RERE: variants seen among roughly 807,000 people sequenced by gnomAD.
RERE encodes the protein arginine-glutamic acid dipeptide repeats.
A neutral mutation model predicts 146.1 loss-of-function variants in RERE; 40 were observed. The ratio of observed to expected loss-of-function variants is 0.27; its 90% CI spans 0.21 to 0.36. The LOEUF (loss-of-function observed/expected upper bound fraction) is 0.36, where lower values mean the gene tolerates loss of function less well. Ranked by LOEUF, RERE falls within the 10% of genes least tolerant of loss-of-function variation. RERE has a pLI of 1.00. For missense variants in RERE, 1,933 were observed against 2,138.7 expected (o/e 0.90, Z 1.90); for synonymous variants, 1,003 against 866.0 (o/e 1.16, Z -2.78).
intron 1 of RERE, among the ~76,000 whole-genome samples, chr1:8,733,455 G>A (rs1557510662): frequency 6.6e-6 from 1 of 152,152 alleles, no homozygotes; most frequent in Non-Finnish European, 1.5e-5. Flanking sequence ...TGTCTTCCAA[G>A]GCTACGTCAT....
intron 1 of RERE, among the ~76,000 whole-genome samples, chr1:8,816,469 TTTTCC>T (rs1349381133): frequency 3.9e-5 from 6 of 152,330 alleles, no homozygotes. Flanking sequence ...AATCATTCTG[TTTTCC>T]TTTCAACAAC....
chr1:8,761,983 T>A (rs575589277), intron 1 of RERE, among the ~76,000 whole-genome samples: 88 of 152,260 alleles, frequency 5.8e-4, no homozygotes, highest in African/African-American at 2.0e-3. Context: ...CAGTCTTCAC[T>A]CTCTTCCTTT....
At chr1:8,781,172 A>G (rs1274802786) in intron 1 of RERE, among the ~76,000 whole-genome samples, 1 of 152,108 alleles carries the variant, frequency 6.6e-6, no homozygotes. Flanking sequence ...TCTGGCCAAC[A>G]TGGTGAAACC....
intron 1 of RERE, among the ~76,000 whole-genome samples, chr1:8,776,778 G>A (rs944332475): frequency 1.3e-5 from 2 of 152,108 alleles, no homozygotes; most frequent in Non-Finnish European, 2.9e-5. Flanking sequence ...GAGTGCAGTG[G>A]CACCATCACG....
chr1:8,601,720 C>G (rs1646631340), intron 4 of RERE, among the ~76,000 whole-genome samples: 1 of 133,174 alleles, frequency 7.5e-6, no homozygotes, highest in Non-Finnish European at 1.6e-5. Context: ...TCCCAACTGC[C>G]ATCATGTCCA....
chr1:8,785,956 T>A (rs1641252439), intron 1 of RERE, among the ~76,000 whole-genome samples: 1 of 151,976 alleles, frequency 6.6e-6, no homozygotes, highest in Non-Finnish European at 1.5e-5. Context: ...CTGGTAAGAC[T>A]TTCACATCTC....
chr1:8,801,339 G>A (rs181763813), intron 1 of RERE, among the ~76,000 whole-genome samples: 11 of 151,876 alleles, frequency 7.2e-5, no homozygotes, highest in South Asian at 2.1e-4. Context: ...GCACAGTCTC[G>A]GATCACCGGA....
Position 8,817,461 on chromosome 1 carries a change from A to AT in RERE, c.-447dup, listed in dbSNP as rs56059603. The stretch of plus-strand genomic sequence containing the variant: ...AGGGGGCTCCCTGAGGATGATGGTG[A>AT]TTTTTTTTTTTTTTTAATCCTCAAC... On this transcript the variant is annotated 5_prime_UTR_variant, in exon 1 of 23. Coordinates refer to ENST00000400908, the MANE Select transcript of RERE (RefSeq NM_001042681.2). 0.31 allele frequency: 44,399 copies of AT among 142,354 alleles called. 6,904 individuals carry two copies. The highest frequency in any genetic ancestry group is 0.37 in the Middle Eastern group (99 of 270). 8.8% of individuals were successfully genotyped at this position (142,354 alleles called of 1,614,324 possible). A position where few individuals can be genotyped will look rare whatever the true frequency, so the allele number is the denominator to read the frequency against.
intron 12 of RERE, among the ~76,000 whole-genome samples, chr1:8,400,831 C>A (rs1287697116): frequency 1.2e-5 from 1 of 85,754 alleles, no homozygotes; most frequent in African/African-American, 5.1e-5. Context: ...TGGTGAAACA[C>A]CATCTCAAAA....
At chr1:8,445,533 T>C (rs996986480) in intron 11 of RERE, among the ~76,000 whole-genome samples, 2 of 152,166 alleles carry the variant, frequency 1.3e-5, no homozygotes, top group Non-Finnish European at 2.9e-5. Context: ...CATCTACACA[T>C]GTAGATGGGC....
At chr1:8,362,238 C>A (rs1641607609) in intron 16 of RERE, among the ~76,000 whole-genome samples, 1 of 152,180 alleles carries the variant, frequency 6.6e-6, no homozygotes, top group African/African-American at 2.4e-5. Context: ...TTGCACTGGG[C>A]AGTAGAAGTA....
intron 1 of RERE, among the ~76,000 whole-genome samples, chr1:8,794,251 A>C (rs1407531798): frequency 6.7e-6 from 1 of 148,928 alleles, no homozygotes; most frequent in Admixed American, 6.8e-5. Context: ...TACAAAAGTA[A>C]AGTCCCAGCT....
At chr1:8,722,850 G>A (rs1161360249) in intron 1 of RERE, among the ~76,000 whole-genome samples, 1 of 152,134 alleles carries the variant, frequency 6.6e-6, no homozygotes, top group Non-Finnish European at 1.5e-5. Flanking sequence ...GTGGATTTTG[G>A]TACCCACCGA....
At chr1:8,552,993 C>CT (rs1313591017) in intron 6 of RERE, among the ~76,000 whole-genome samples, 1 of 151,342 alleles carries the variant, frequency 6.6e-6, no homozygotes, top group East Asian at 1.9e-4. Context: ...AGTAGGCCAG[C>CT]TCGTCCACAC....
At chr1:8,358,099 A>G (rs1557582107) in intron 20 of RERE, 97 bp downstream of exon 20, 1 of 1,506,510 alleles carries the variant, frequency 6.6e-7, no homozygotes, top group African/African-American at 1.4e-5. Context: ...ATCTGTTCAG[A>G]AAAGAACAGT....
chr1:8,381,882 G>A (rs1040986062), intron 12 of RERE, among the ~76,000 whole-genome samples: 1 of 152,196 alleles, frequency 6.6e-6, no homozygotes, highest in Non-Finnish European at 1.5e-5. Context: ...TGTTCCAGGG[G>A]CTAAGTCTTA....
chr1:8,565,798 G>T (rs951371558), intron 4 of RERE, among the ~76,000 whole-genome samples: 3 of 152,054 alleles, frequency 2.0e-5, no homozygotes, highest in East Asian at 1.9e-4. Context: ...AGCTCAAAAC[G>T]CCAGGAAAGA....
At chr1:8,678,258 C>A (rs1340329992) in intron 1 of RERE, among the ~76,000 whole-genome samples, 1 of 152,050 alleles carries the variant, frequency 6.6e-6, no homozygotes, top group Non-Finnish European at 1.5e-5. Flanking sequence ...AATCAAAGGG[C>A]ACAGATTCTT....
At chr1:8,786,526 G>A in intron 1 of RERE, 2 of 786,486 alleles carry the variant, frequency 2.5e-6, no homozygotes, top group South Asian at 1.3e-5. Flanking sequence ...TGTAATATAT[G>A]GCTCTACAAT....
Sources: allele counts gnomAD v4.1 joint callset (sites outside exome capture counted in the v4.1 genomes callset), GRCh38; gene constraint gnomAD v4.1.1; transcripts MANE v1.5; gene names NCBI Gene and HGNC (gene_info 2026-07-23, HGNC 2026-07-21).